The following SLC39A11 variants were observed in gnomAD, a reference collection of about 807,000 sequenced individuals.
The protein encoded by SLC39A11 is zinc transporter ZIP11.
SLC39A11 carries 33 observed loss-of-function variants against 36.1 expected under a neutral mutation model. The ratio of observed to expected loss-of-function variants is 0.91; its 90% CI spans 0.69 to 1.22. The LOEUF (loss-of-function observed/expected upper bound fraction) is 1.22. Ranked by LOEUF, SLC39A11 falls within the 50% of genes most tolerant of loss-of-function variation. SLC39A11 has a pLI of 0.00. For missense variants in SLC39A11, 432 were observed against 430.3 expected (o/e 1.00, Z -0.03); for synonymous variants, 166 against 170.3 (o/e 0.97, Z 0.20).
intron 3 of SLC39A11, among the ~76,000 whole-genome samples, chr17:73,059,093 CTTAG>C (rs928290229): frequency 6.6e-6 from 1 of 152,086 alleles, no homozygotes; most frequent in African/African-American, 2.4e-5. Context: ...TGAGTCATTT[CTTAG>C]TTAAAATACT....
At chr17:72,958,962 T>G (rs1048170473) in intron 4 of SLC39A11, among the ~76,000 whole-genome samples, 1 of 150,140 alleles carries the variant, frequency 6.7e-6, no homozygotes, top group Non-Finnish European at 1.5e-5. Context: ...AAAACCACAA[T>G]GCAATAGCAC....
intron 6 of SLC39A11, among the ~76,000 whole-genome samples, chr17:72,775,740 C>T (rs2076110426): frequency 6.6e-6 from 1 of 152,188 alleles, no homozygotes; most frequent in Non-Finnish European, 1.5e-5. Context: ...GTTTCCTGCT[C>T]TACCTGGAAG....
intron 7 of SLC39A11, among the ~76,000 whole-genome samples, chr17:72,731,004 G>A (rs2074194696): frequency 1.3e-5 from 2 of 152,094 alleles, no homozygotes; most frequent in Non-Finnish European, 1.5e-5. Context: ...CGCCCGCCTC[G>A]GCCTCCCAGT....
intron 6 of SLC39A11, among the ~76,000 whole-genome samples, chr17:72,843,433 T>C (rs899253869): frequency 1.3e-5 from 2 of 152,076 alleles, no homozygotes; most frequent in Admixed American, 1.3e-4. Flanking sequence ...AGGGAATGAA[T>C]GGTATTAGGA....
intron 4 of SLC39A11, among the ~76,000 whole-genome samples, chr17:73,005,944 C>T (rs1568109882): frequency 6.6e-6 from 1 of 151,846 alleles, no homozygotes; most frequent in Non-Finnish European, 1.5e-5. Flanking sequence ...GAGCAAGACT[C>T]CGACTCAAAA....
chr17:72,742,870 A>G (rs1349969386), intron 6 of SLC39A11, among the ~76,000 whole-genome samples: 1 of 152,244 alleles, frequency 6.6e-6, no homozygotes, highest in Non-Finnish European at 1.5e-5. Context: ...TCAAGTCATC[A>G]TTAGGAGAGA....
intron 7 of SLC39A11, among the ~76,000 whole-genome samples, chr17:72,724,965 T>C (rs991637663): frequency 5.9e-5 from 9 of 152,308 alleles, no homozygotes; most frequent in African/African-American, 1.9e-4. Flanking sequence ...TGAATCTCTG[T>C]GGATTGAAGG....
rs554592666 is a variant in SLC39A11, at chr17:72,704,078, C to T, written c.671+32572G>A. On this transcript the variant is annotated intron_variant, in intron 7 of 9. Transcript: ENST00000255559. ...GGGAGGTGGAGGTTGCAGTGAGCTG[C>T]GATCATGCCACTGTACTCTAGCCTG... Among the ~76,000 whole-genome samples the T allele has an allele frequency of 2.6e-4, 40 of 152,258 alleles. No homozygotes were observed. In the East Asian group the frequency reaches 5.8e-3, roughly 22 times the overall value.
At chr17:73,035,422 G>A (rs1038914948) in intron 3 of SLC39A11, among the ~76,000 whole-genome samples, 1 of 152,186 alleles carries the variant, frequency 6.6e-6, no homozygotes, top group African/African-American at 2.4e-5. Flanking sequence ...TTACAGGTGT[G>A]AGCCACCGCA....
chr17:72,701,067 C>T (rs933879430), intron 7 of SLC39A11, among the ~76,000 whole-genome samples: 4 of 152,254 alleles, frequency 2.6e-5, no homozygotes, highest in East Asian at 3.8e-4. Context: ...GATGGGACGA[C>T]GTGCTTGGGG....
chr17:72,989,440 A>T (rs2089008669), intron 4 of SLC39A11, among the ~76,000 whole-genome samples: 1 of 152,246 alleles, frequency 6.6e-6, no homozygotes. Flanking sequence ...CGAGGGTATA[A>T]ATATTCCATT....
At chr17:72,664,518 C>T (rs2070638464) in intron 7 of SLC39A11, among the ~76,000 whole-genome samples, 1 of 152,172 alleles carries the variant, frequency 6.6e-6, no homozygotes, top group South Asian at 2.1e-4. Context: ...GATGAGAATC[C>T]AGCCACTTCT....
chr17:73,066,339 A>AG (rs1469504989), intron 3 of SLC39A11, among the ~76,000 whole-genome samples: 1 of 151,672 alleles, frequency 6.6e-6, no homozygotes, highest in Non-Finnish European at 1.5e-5. Context: ...GACCAGCAGA[A>AG]GAAGCACCCA....
At chr17:72,778,018 C>T (rs971213174) in intron 6 of SLC39A11, among the ~76,000 whole-genome samples, 12 of 152,124 alleles carry the variant, frequency 7.9e-5, no homozygotes, top group Non-Finnish European at 1.3e-4. Context: ...GATTCTTCTG[C>T]CTCAGCCTCC....
intron 5 of SLC39A11, among the ~76,000 whole-genome samples, chr17:72,852,183 C>A (rs2079367613): frequency 1.1e-5 from 1 of 90,088 alleles, no homozygotes; most frequent in Non-Finnish European, 2.1e-5. Context: ...CCAGCCTGGG[C>A]AACAGAGCAA....
intron 6 of SLC39A11, chr17:72,817,993 T>C (rs1452325825): frequency 6.6e-6 from 1 of 152,088 alleles, no homozygotes; most frequent in Admixed American, 6.6e-5. Context: ...AAGCCCCTTA[T>C]AAAACTATCA....
intron 7 of SLC39A11, among the ~76,000 whole-genome samples, chr17:72,655,586 C>T (rs62069466): frequency 0.17 from 25,484 of 152,174 alleles, 2,283 homozygotes; most frequent in Admixed American, 0.22. Context: ...AGGCCAAGCC[C>T]GCCTCCCTCC....
At chr17:72,912,892 T>C (rs1447464003) in intron 5 of SLC39A11, among the ~76,000 whole-genome samples, 6 of 152,182 alleles carry the variant, frequency 3.9e-5, no homozygotes, top group African/African-American at 9.6e-5. Flanking sequence ...TCTTGCTCCA[T>C]TGGCAATCGG....
At chr17:72,822,251 TATATATAGAGAGAGAGA>T (rs1422088908) in intron 6 of SLC39A11, among the ~76,000 whole-genome samples, 1 of 147,932 alleles carries the variant, frequency 6.8e-6, no homozygotes, top group East Asian at 1.9e-4. Context: ...ACATACTATA[TATATATAGAGAGAGAGA>T]ATATATATAG....
Sources: allele counts gnomAD v4.1 joint callset (sites outside exome capture counted in the v4.1 genomes callset), GRCh38; gene constraint gnomAD v4.1.1; transcripts MANE v1.5; gene names NCBI Gene and HGNC (gene_info 2026-07-23, HGNC 2026-07-21).